Variants in LNX2 observed in about 807,000 individuals in gnomAD.
LNX2 encodes ligand of numb-protein X 2, also known as ligand of Numb protein X 2.
In LNX2, 35 loss-of-function variants were observed where a neutral mutation model predicts 66.2. The ratio of observed to expected loss-of-function variants is 0.53; its 90% CI spans 0.40 to 0.70. LNX2 has a LOEUF of 0.70. Ranked by LOEUF, LNX2 falls within the 30% of genes least tolerant of loss-of-function variation. The pLI, the probability that LNX2 is intolerant of heterozygous loss-of-function variation, is 0.00. For missense variants in LNX2, 791 were observed against 850.8 expected, an observed-to-expected ratio of 0.93 and a Z score of 0.87; for synonymous variants, 337 against 315.6, an observed-to-expected ratio of 1.07 and a Z score of -0.72.
intron 7 of LNX2, among the ~76,000 whole-genome samples, chr13:27,554,152 T>G (rs1955034047): frequency 6.6e-6 from 1 of 152,198 alleles, no homozygotes; most frequent in African/African-American, 2.4e-5. Flanking sequence ...TTCAGATTAT[T>G]AAAGCAAATC....
chr13:27,584,956 A>G (rs1029014361), intron 1 of LNX2, among the ~76,000 whole-genome samples: 2 of 151,528 alleles, frequency 1.3e-5, no homozygotes, highest in Non-Finnish European at 2.9e-5. Context: ...CATTGCTACT[A>G]AAAATATAAA....
At position 27,569,209 on chromosome 13, in the gene LNX2, T is replaced by C. The variant is rs781355332; in HGVS notation, c.475A>G (p.Ile159Val). 1.6e-5 allele frequency: 26 copies of C among 1,613,212 alleles called. No homozygotes were observed. Among genetic ancestry groups the C allele is most frequent in the East Asian group, 8.9e-5 (4 of 44,846 alleles). ...RRKTSRTQAE[I>V]ENENGPTLLD... is the part of the protein sequence containing the mutation. ...AGAGTGGGCCCATTTTCATTCTCAA[T>C]CTCTGCTTGAGTTCTACTAGTTTTC... Residue 159 changes from isoleucine (I) to valine (V), a missense_variant, in exon 3 of 10, where the codon ATT becomes GTT. Transcript: ENST00000316334.
intron 1 of LNX2, among the ~76,000 whole-genome samples, chr13:27,614,559 A>C (rs1324133795): frequency 6.6e-6 from 1 of 151,870 alleles, no homozygotes; most frequent in African/African-American, 2.4e-5. Context: ...GTAATAATAA[A>C]ATTCCAGTCT....
intron 4 of LNX2, among the ~76,000 whole-genome samples, chr13:27,565,093 T>C (rs910624783): frequency 1.3e-5 from 2 of 152,196 alleles, no homozygotes; most frequent in Non-Finnish European, 2.9e-5. Flanking sequence ...CCATAAACAG[T>C]AATAATGCAG....
At chr13:27,584,389 G>GAAA (rs57375748) in intron 1 of LNX2, among the ~76,000 whole-genome samples, 2 of 124,448 alleles carry the variant, frequency 1.6e-5, no homozygotes, top group Non-Finnish European at 3.4e-5. Flanking sequence ...TGTCTCTACA[G>GAAA]AAAAAAAAAA....
At chr13:27,586,507 C>G (rs1443241016) in intron 1 of LNX2, among the ~76,000 whole-genome samples, 1 of 152,154 alleles carries the variant, frequency 6.6e-6, no homozygotes, top group Non-Finnish European at 1.5e-5. Context: ...ACTGAACTAT[C>G]AGCTCTAAGA....
intron 1 of LNX2, among the ~76,000 whole-genome samples, chr13:27,619,281 A>G (rs1431141912): frequency 5.3e-5 from 8 of 151,200 alleles, no homozygotes; most frequent in Admixed American, 3.9e-4. Flanking sequence ...CAAAAAGGAT[A>G]CCAGATTCCC....
chr13:27,553,489 C>T, intron 7 of LNX2, 50 bp from the exon 8 acceptor site: 1 of 1,403,332 alleles, frequency 7.1e-7, no homozygotes, highest in South Asian at 1.2e-5. Context: ...TGAGTTTTCA[C>T]CTGCAAATCT....
In LNX2 at chr13:27,566,366, G is replaced by A. The variant is rs76526072; in HGVS notation, c.855+1274C>T. On this transcript the variant is annotated intron_variant, in intron 4 of 9. Transcript: ENST00000316334. ...TCCACTAGATTGTATATTCCACGAG[G>A]ACAGGTCAGTATTTTGCTCTGAAAT... 1.6e-3 allele frequency among the ~76,000 whole-genome samples: 243 copies of A among 152,280 alleles called. 1 individual carries two copies. Among genetic ancestry groups the A allele is most frequent in the African/African-American group, 5.5e-3 (230 of 41,546 alleles).
intron 7 of LNX2, among the ~76,000 whole-genome samples, chr13:27,554,579 G>C (rs1462323355): frequency 6.6e-6 from 1 of 152,078 alleles, no homozygotes; most frequent in African/African-American, 2.4e-5. Context: ...TCCTTTTCAT[G>C]GCCAAATCAT....
At chr13:27,607,105 A>G (rs1159721384) in intron 1 of LNX2, among the ~76,000 whole-genome samples, 3 of 152,234 alleles carry the variant, frequency 2.0e-5, no homozygotes, top group Non-Finnish European at 4.4e-5. Flanking sequence ...TGCTACATTT[A>G]AGAATCTTTT....
chr13:27,548,543 T>C lies in LNX2; in HGVS notation c.1938-73A>G, dbSNP rs190973529. 1.9e-4 allele frequency: 290 copies of C among 1,503,578 alleles called. No individual in the cohort carries two copies. The African/African-American group carries it at 3.9e-3, about 20-fold the overall frequency. 93.1% of individuals were successfully genotyped at this position (1,503,578 alleles called of 1,614,324 possible). ...AAAAATATCCCAATTGAGATTTATGTAGCATGAAAAATGCGGTTTCACTTA... is the reference window on the plus strand; with the variant it reads ...AAAAATATCCCAATTGAGATTTATGCAGCATGAAAAATGCGGTTTCACTTA... On this transcript the variant is annotated intron_variant, in intron 9 of 9. Coordinates refer to ENST00000316334, the MANE Select transcript of LNX2 (RefSeq NM_153371.4).
chr13:27,573,150 C>G (rs954912744), intron 2 of LNX2, among the ~76,000 whole-genome samples: 3 of 152,068 alleles, frequency 2.0e-5, no homozygotes, highest in Non-Finnish European at 4.4e-5. Context: ...TACCCTATTT[C>G]CATCCTCACC....
At chr13:27,607,986 C>T (rs949344887) in intron 1 of LNX2, among the ~76,000 whole-genome samples, 3 of 152,194 alleles carry the variant, frequency 2.0e-5, no homozygotes. Context: ...CCATTAATTG[C>T]TTACCTATTT....
intron 1 of LNX2, among the ~76,000 whole-genome samples, chr13:27,603,035 A>AT (rs1955676054): frequency 6.6e-6 from 1 of 152,164 alleles, no homozygotes; most frequent in Non-Finnish European, 1.5e-5. Context: ...AAGTCACATG[A>AT]TTTAAACTAC....
chr13:27,588,948 A>C (rs1955522229), intron 1 of LNX2, among the ~76,000 whole-genome samples: 1 of 152,220 alleles, frequency 6.6e-6, no homozygotes, highest in Admixed American at 6.5e-5. Flanking sequence ...TCATGAGCTC[A>C]CATGTGAGGT....
chr13:27,601,093 G>A (rs577122460), intron 1 of LNX2, among the ~76,000 whole-genome samples: 30 of 152,230 alleles, frequency 2.0e-4, no homozygotes, highest in Admixed American at 1.0e-3. Flanking sequence ...ACTACAGGCT[G>A]GACATTATAC....
intron 1 of LNX2, among the ~76,000 whole-genome samples, chr13:27,591,847 A>G (rs1266836192): frequency 1.3e-5 from 2 of 152,262 alleles, no homozygotes; most frequent in African/African-American, 4.8e-5. Flanking sequence ...CAGCTATTTT[A>G]AACAGCATGA....
chr13:27,569,879 A>G (rs1429539496), intron 2 of LNX2, among the ~76,000 whole-genome samples: 1 of 152,236 alleles, frequency 6.6e-6, no homozygotes, highest in Non-Finnish European at 1.5e-5. Flanking sequence ...TAGAATTTCA[A>G]TAGAATTATT....
Sources: allele counts gnomAD v4.1 joint callset (sites outside exome capture counted in the v4.1 genomes callset), GRCh38; gene constraint gnomAD v4.1.1; transcripts MANE v1.5; gene names NCBI Gene and HGNC (gene_info 2026-07-23, HGNC 2026-07-21).